Variants in IFT27 observed in about 807,000 individuals in gnomAD.
IFT27 encodes the protein intraflagellar transport 27.
A neutral mutation model predicts 23.9 loss-of-function variants in IFT27; 19 were observed. The ratio of observed to expected loss-of-function variants is 0.79; its 90% confidence interval spans 0.55 to 1.16. IFT27 has a LOEUF of 1.16. Among genes scored for constraint, IFT27 ranks in the 50% most tolerant of loss-of-function variants. The probability of loss-of-function intolerance (pLI) is 0.00; values close to 1 mark genes in which losing one functional copy is unlikely to be tolerated. For synonymous variants in IFT27, 91 were observed against 89.1 expected, an observed-to-expected ratio of 1.02 and a Z score of -0.12; for missense variants, 206 against 228.7, an observed-to-expected ratio of 0.90 and a Z score of 0.64.
At chr22:36,765,411 G>A (rs910454362) in intron 4 of IFT27, among the ~76,000 whole-genome samples, 1 of 152,158 alleles carries the variant, frequency 6.6e-6, no homozygotes, top group African/African-American at 2.4e-5. Flanking sequence ...CACACGGTAG[G>A]CAATTGGGGT....
At chr22:36,772,822 G>A in intron 1 of IFT27, 1 of 981,776 alleles carries the variant, frequency 1.0e-6, no homozygotes, top group Non-Finnish European at 1.2e-6. Flanking sequence ...TAGGGCTGTG[G>A]GTCATGGATG....
chr22:36,758,363 T>A lies in IFT27; in HGVS notation c.509A>T (p.Gln170Leu), dbSNP rs1334268060. The A allele has an allele frequency of 6.2e-7, 1 of 1,614,188 alleles. No individual in the cohort carries two copies. The highest frequency in any genetic ancestry group is 1.7e-4 in the Middle Eastern group (1 of 6,034). The stretch of plus-strand genomic sequence containing the variant: ...CTTCTCCCGGTACAGCTGGTGGAAC[T>A]GCTTGGCAAGGCAGTGGAAAGGGGC... Reference protein sequence around the residue: ...FEAPFHCLAKQFHQLYREKVE... With the variant: ...FEAPFHCLAKLFHQLYREKVE... Residue 170 changes from glutamine (Q) to leucine (L), a missense_variant, in exon 7 of 7, where the codon CAG (glutamine) becomes CTG (leucine). Gln to Leu is a moderately radical substitution (Grantham distance 113). Transcript: ENST00000433985.
At chr22:36,766,848 G>A (rs551745158) in intron 3 of IFT27, among the ~76,000 whole-genome samples, 4 of 151,850 alleles carry the variant, frequency 2.6e-5, no homozygotes, top group South Asian at 4.2e-4. Flanking sequence ...GGCATACACC[G>A]TCTAAACATC....
At chr22:36,762,023 C>G (rs972195844) in intron 6 of IFT27, 4 of 152,292 alleles carry the variant, frequency 2.6e-5, no homozygotes, top group Admixed American at 2.6e-4. Context: ...GCTAGCAACC[C>G]TGGCGAGGGG....
chr22:36,761,447 G>C (rs2145913666), intron 6 of IFT27: 1 of 152,298 alleles, frequency 6.6e-6, no homozygotes, highest in South Asian at 2.1e-4. Flanking sequence ...TGGACCAGAG[G>C]CAAGGGTGAT....
intron 1 of IFT27, among the ~76,000 whole-genome samples, chr22:36,773,020 C>T (rs775051105): frequency 6.6e-6 from 1 of 152,128 alleles, no homozygotes; most frequent in East Asian, 1.9e-4. Flanking sequence ...GCAGTGGCTG[C>T]ACTCAGGTGA....
chr22:36,758,324 C>T lies in IFT27; in HGVS notation c.548G>A (p.Arg183Gln), dbSNP rs140440023. ...TGCTCCAGCTCGTCATGCCAGGGCC[C>T]GGAAAACCTCCACCTTCTCCCGGTA... ...QLYREKVEVF[R>Q]ALA The change falls in exon 7 of 7, where the codon CGG (arginine) becomes CAG (glutamine). Residue 183 changes from arginine to glutamine, a missense_variant. By Grantham distance (43) the Arg-to-Gln change is conservative. Coordinates refer to ENST00000433985, the MANE Select transcript of IFT27 (RefSeq NM_001177701.3). 5.8e-5 allele frequency: 94 copies of T among 1,614,062 alleles called. No homozygotes were observed. In the African/African-American group the frequency reaches 9.2e-4, roughly 16 times the overall value.
intron 5 of IFT27, chr22:36,763,285 G>C (rs1938147825): frequency 2.7e-6 from 1 of 375,064 alleles, no homozygotes; most frequent in Non-Finnish European, 4.8e-6. Flanking sequence ...CCTCCTTAAA[G>C]GGCTGCAAAC....
intron 5 of IFT27, chr22:36,763,227 A>C: frequency 2.3e-6 from 1 of 435,924 alleles, no homozygotes; most frequent in African/African-American, 2.0e-5. Flanking sequence ...TTCATGCACA[A>C]CTTCTGCTAG....
intron 3 of IFT27, 111 bp from the exon 4 acceptor site, chr22:36,766,308 C>A: frequency 1.2e-6 from 1 of 832,418 alleles, no homozygotes; most frequent in Admixed American, 2.0e-5. Context: ...AATACAGGCA[C>A]CCACATCTTC....
intron 6 of IFT27, 152 bp from the exon 7 acceptor site, chr22:36,758,561 T>C: frequency 1.6e-6 from 1 of 627,480 alleles, no homozygotes; most frequent in Non-Finnish European, 2.9e-6. Context: ...GGATGCCAGT[T>C]TTACAAGAAG....
intron 6 of IFT27, 158 bp from the exon 7 acceptor site, chr22:36,758,567 A>G (rs561633749): frequency 3.9e-4 from 241 of 621,396 alleles, no homozygotes; most frequent in African/African-American, 2.9e-3. Context: ...CAGTTTTACA[A>G]GAAGGAAACT....
chr22:36,763,651 A>T, intron 5 of IFT27: 1 of 543,152 alleles, frequency 1.8e-6, no homozygotes, highest in Non-Finnish European at 3.3e-6. Context: ...TTAACAACTG[A>T]TATTACAGCA....
In IFT27 at chr22:36,773,055, G is replaced by A. The variant is rs527541977; in HGVS notation, c.34+2619C>T. ...AAAGAACTACCCAAGGGAGTTGGGG[G>A]TAAAGAAGGGCACAAAGAGGCCGGG... On this transcript the variant is annotated intron_variant, in intron 1 of 6. Coordinates refer to ENST00000433985, the MANE Select transcript of IFT27 (RefSeq NM_001177701.3). Among the ~76,000 whole-genome samples, 85 of 152,334 alleles carry A rather than the reference G, an allele frequency of 5.6e-4. 1 individual carries two copies. The South Asian group carries it at 7.5e-3, about 13-fold the overall frequency.
chr22:36,775,596 G>T, intron 1 of IFT27, 78 bp downstream of exon 1: 1 of 1,510,784 alleles, frequency 6.6e-7, no homozygotes, highest in Non-Finnish European at 9.2e-7. Context: ...CAATTTAGGT[G>T]AACAAAAGCT....
chr22:36,772,389 G>T, intron 1 of IFT27: 2 of 533,824 alleles, frequency 3.7e-6, no homozygotes, highest in Non-Finnish European at 4.8e-6. Flanking sequence ...GATAATCATA[G>T]CACCTACCCC....
At chr22:36,758,578 CAGAT>C in intron 6 of IFT27, 169 bp from the exon 7 acceptor site, 1 of 608,654 alleles carries the variant, frequency 1.6e-6, no homozygotes. Context: ...GAAGGAAACT[CAGAT>C]GGAGTCAGGT....
At position 36,764,444 on chromosome 22, in the gene IFT27, C is replaced by T. The variant is rs116873567; in HGVS notation, c.235-408G>A. 1.1e-3 allele frequency among the ~76,000 whole-genome samples: 161 copies of T among 152,374 alleles called. No homozygotes were observed. The East Asian group carries it at 0.027, about 26-fold the overall frequency. On this transcript the variant is annotated intron_variant, in intron 4 of 6. Transcript: ENST00000433985. ...CAACGATGACAGAGATGGGGGACGA[C>T]TGAGTTCTTCTCTACCCAACAATCT...
intron 6 of IFT27, chr22:36,759,195 TCCAC>T (rs71193264): frequency 0.033 from 5,038 of 152,340 alleles, 112 homozygotes; most frequent in South Asian, 0.077. Flanking sequence ...ACCAGCCGGA[TCCAC>T]CCAGCAGGTG....
Sources: allele counts gnomAD v4.1 joint callset (sites outside exome capture counted in the v4.1 genomes callset), GRCh38; gene constraint gnomAD v4.1.1; transcripts MANE v1.5; gene names NCBI Gene and HGNC (gene_info 2026-07-23, HGNC 2026-07-21).